BARX1: variants seen among roughly 807,000 people sequenced by gnomAD.
BARX1 encodes the protein homeobox protein BarH-like 1.
In BARX1, 10 loss-of-function variants were observed where a neutral mutation model predicts 19.6. The ratio of observed to expected loss-of-function variants is 0.51; its 90% confidence interval spans 0.31 to 0.86. The LOEUF is 0.86. Ranked by LOEUF, BARX1 falls within the 40% of genes least tolerant of loss-of-function variation. BARX1 has a pLI of 0.04. For missense variants in BARX1, 309 were observed against 360.4 expected, an observed-to-expected ratio of 0.86 and a Z score of 1.15; for synonymous variants, 177 against 170.0, an observed-to-expected ratio of 1.04 and a Z score of -0.32.
intron 3 of BARX1, 99 bp from the exon 4 acceptor site, chr9:93,952,427 T>C: frequency 2.1e-6 from 3 of 1,434,024 alleles, no homozygotes; most frequent in African/African-American, 1.4e-5. Flanking sequence ...GCAGGGTCCA[T>C]ATGAGGAAAT....
rs1237950636 is a variant in BARX1, at chr9:93,954,827, G to A, written c.223+97C>T. 7 of 868,442 alleles carry A rather than the reference G, an allele frequency of 8.1e-6. No individual in the cohort carries two copies. In the East Asian group the frequency reaches 2.6e-4, roughly 32 times the overall value. The allele number at this position is 868,442 out of a possible 1,614,324, so 53.8% of individuals were successfully genotyped here. ...TGCGCTCCCAGAGCAGCTTCCCGGGGCTGCTTCGATGCCGGAGGAGGCTCG... is the reference window on the plus strand; with the variant it reads ...TGCGCTCCCAGAGCAGCTTCCCGGGACTGCTTCGATGCCGGAGGAGGCTCG... On this transcript the variant is annotated intron_variant, in intron 1 of 3. Transcript: ENST00000253968.
intron 3 of BARX1, 27 bp downstream of exon 3, chr9:93,952,702 G>T (rs1651505051): frequency 1.2e-6 from 2 of 1,607,860 alleles, no homozygotes; most frequent in African/African-American, 1.3e-5. Flanking sequence ...GGAAGCTGAG[G>T]GGTGGGAAGC....
In BARX1 at chr9:93,952,285, C is replaced by T; in HGVS notation, c.644G>A (p.Gly215Glu). Residue 215 changes from glycine (G) to glutamate (E), a missense_variant, in exon 4 of 4, where the codon GGG becomes GAG. By Grantham distance (98) the Gly-to-Glu change is moderately conservative. Coordinates refer to ENST00000253968, the MANE Select transcript of BARX1 (RefSeq NM_021570.4). ...TGGAATTGAGTTCTTCTTGGGCCGCCCCTTGGGCTTGGTGGGAGACTCCAG... is the reference window on the plus strand; with the variant it reads ...TGGAATTGAGTTCTTCTTGGGCCGCTCCTTGGGCTTGGTGGGAGACTCCAG... ...GGLESPTKPK[G>E]RPKKNSIPTS... 1 of 1,611,828 alleles carries T rather than the reference C, an allele frequency of 6.2e-7. No individual in the cohort carries two copies.
At position 93,952,153 on chromosome 9, in the gene BARX1, G is replaced by T. The variant is rs757252375; in HGVS notation, c.*11C>A. 6.2e-6 allele frequency: 10 copies of T among 1,603,988 alleles called. No homozygotes were observed. Among genetic ancestry groups the T allele is most frequent in the Non-Finnish European group, 7.6e-6 (9 of 1,179,556 alleles). On this transcript the variant is annotated 3_prime_UTR_variant, in exon 4 of 4. Transcript: ENST00000253968. ...GCGCGGGCATCCCAGGCCCCGCACCGTATACCGCCCTCAGTCCTCGCGGCT... is the reference window on the plus strand; with the variant it reads ...GCGCGGGCATCCCAGGCCCCGCACCTTATACCGCCCTCAGTCCTCGCGGCT...
rs2118190647 is a variant in BARX1 at position 93,955,154 on chromosome 9, C to T, written c.-8G>A. The stretch of plus-strand genomic sequence containing the variant: ...CTCCCCCGGCCGCTGCATCGCGGCG[C>T]CCACTGCTGCGCCCGCGGTTTGGCG... On this transcript the variant is annotated 5_prime_UTR_variant, in exon 1 of 4. Coordinates refer to ENST00000253968, the MANE Select transcript of BARX1 (RefSeq NM_021570.4). The surrounding 1 kb of genome is among the most constrained non-coding windows in gnomAD (Gnocchi z 4.4). 1 of 1,100,846 alleles carries T rather than the reference C, an allele frequency of 9.1e-7. No individual in the cohort carries two copies. The highest frequency in any genetic ancestry group is 1.7e-5 in the African/African-American group (1 of 59,646). The allele number at this position is 1,100,846 out of a possible 1,614,324, so 68.2% of individuals were successfully genotyped here. A position where few individuals can be genotyped will look rare whatever the true frequency, so the allele number is the denominator to read the frequency against.
intron 1 of BARX1, among the ~76,000 whole-genome samples, chr9:93,954,194 A>C (rs1194717014): frequency 2.0e-5 from 3 of 152,232 alleles, no homozygotes; most frequent in Non-Finnish European, 4.4e-5. Context: ...GGGAAAGACA[A>C]GACGAGGGTG....
Position 93,953,000 on chromosome 9 carries a change from G to A in BARX1, c.411C>T (p.Thr137=), listed in dbSNP as rs1047001899. The change falls in exon 2 of 4, where the codon ACC becomes ACT. Residue 137 remains threonine (T), a synonymous_variant. Transcript: ENST00000253968. ...LEAAGPGEPG[T]KAKKGRRSRT... is the part of the protein sequence containing the mutation. ...GGCTCCGACGCCCCTTCTTGGCTTT[G>A]GTGCCTGGCTCCCCAGGGCCTGCCG... 6.4e-7 allele frequency: 1 copy of A among 1,572,864 alleles called. No individual in the cohort carries two copies. Among genetic ancestry groups the A allele is most frequent in the Non-Finnish European group, 8.6e-7 (1 of 1,159,642 alleles).
chr9:93,952,138 C>G lies in BARX1; in HGVS notation c.*26G>C, dbSNP rs999593667. On this transcript the variant is annotated 3_prime_UTR_variant, in exon 4 of 4. Coordinates refer to ENST00000253968, the MANE Select transcript of BARX1 (RefSeq NM_021570.4). ...AGGGGGCTGCGGGTGGCGCGGGCAT[C>G]CCAGGCCCCGCACCGTATACCGCCC... The G allele has an allele frequency of 5.0e-6, 8 of 1,597,412 alleles. No individual in the cohort carries two copies. In the African/African-American group the frequency reaches 9.4e-5, roughly 19 times the overall value.
At position 93,955,046 on chromosome 9, in the gene BARX1, A is replaced by G; in HGVS notation, c.101T>C (p.Ile34Thr). 7.1e-7 allele frequency: 1 copy of G among 1,403,164 alleles called. No homozygotes were observed. The highest frequency in any genetic ancestry group is 1.5e-5 in the South Asian group (1 of 68,774). The allele number at this position is 1,403,164 out of a possible 1,614,324, so 86.9% of individuals were successfully genotyped here. A position where few individuals can be genotyped will look rare whatever the true frequency, so the allele number is the denominator to read the frequency against. ...HRYRSFMIEE[I>T]LTEPPGPKGA... ...CTTGGGCCCGGGTGGCTCCGTGAGG[A>G]TCTCCTCAATCATGAAGCTGCGATA... Residue 34 changes from isoleucine (I) to threonine (T), a missense_variant, in exon 1 of 4, where the codon ATC (isoleucine) becomes ACC (threonine). By Grantham distance (89) the Ile-to-Thr change is moderately conservative. This residue lies in a region of BARX1 where 204 missense variants were observed against 206.8 expected (regional missense o/e 0.99). Coordinates refer to ENST00000253968, the MANE Select transcript of BARX1 (RefSeq NM_021570.4). The surrounding 1 kb of genome is among the most constrained non-coding windows in gnomAD (Gnocchi z 4.4).
chr9:93,953,816 A>G (rs1829129047), intron 1 of BARX1, among the ~76,000 whole-genome samples: 1 of 152,260 alleles, frequency 6.6e-6, no homozygotes, highest in South Asian at 2.1e-4. Flanking sequence ...GCCCGCTTCA[A>G]ACGAATTAGT....
rs1489837185 is a variant in BARX1 at position 93,955,016 on chromosome 9, G to A, written c.131C>T (p.Ala44Val). The A allele has an allele frequency of 7.1e-7, 1 of 1,400,058 alleles. No homozygotes were observed. The highest frequency in any genetic ancestry group is 2.8e-5 in the Admixed American group (1 of 35,814). 86.7% of individuals were successfully genotyped at this position (1,400,058 alleles called of 1,614,324 possible). A position where few individuals can be genotyped will look rare whatever the true frequency, so the allele number is the denominator to read the frequency against. Residue 44 changes from alanine (A) to valine (V), a missense_variant, in exon 1 of 4, where the codon GCC (alanine) becomes GTC (valine). Ala to Val is a moderately conservative substitution (Grantham distance 64). Around this residue, in one of 3 missense-constraint regions of BARX1, gnomAD observed 204 missense variants for 206.8 expected, o/e 0.99. Transcript: ENST00000253968. The surrounding 1 kb of genome is among the most constrained non-coding windows in gnomAD (Gnocchi z 4.4). ...CGCGGCAGCGGCGGCTGCGGGCGCG[G>A]CGCCCTTGGGCCCGGGTGGCTCCGT... is the stretch of plus-strand genomic sequence containing the variant. ...ILTEPPGPKG[A>V]APAAAAAAAG... is the part of the protein sequence containing the mutation.
At position 93,952,082 on chromosome 9, in the gene BARX1, G is replaced by A. The variant is rs935681636; in HGVS notation, c.*82C>T. ...TTAGGAAGTAAACTTCTTGGACGCG[G>A]AAGGGCCGGCTCGCGGGTTTCCGCC... On this transcript the variant is annotated 3_prime_UTR_variant, in exon 4 of 4. Coordinates refer to ENST00000253968, the MANE Select transcript of BARX1 (RefSeq NM_021570.4). 6.6e-7 allele frequency: 1 copy of A among 1,509,582 alleles called. No homozygotes were observed. Among genetic ancestry groups the A allele is most frequent in the Admixed American group, 2.0e-5 (1 of 49,802 alleles). 93.5% of individuals were successfully genotyped at this position (1,509,582 alleles called of 1,614,324 possible).
At position 93,955,013 on chromosome 9, in the gene BARX1, G is replaced by GCGGCGCCCTTGGGCC. The variant is rs1563990319; in HGVS notation, c.119_133dup (p.Gly40_Ala44dup). On this transcript the variant is annotated inframe_insertion, in exon 1 of 4. Coordinates refer to ENST00000253968, the MANE Select transcript of BARX1 (RefSeq NM_021570.4). The surrounding 1 kb of genome is among the most constrained non-coding windows in gnomAD (Gnocchi z 4.4). Reference sequence around the variant, plus strand: ...CGCCGCGGCAGCGGCGGCTGCGGGCGCGGCGCCCTTGGGCCCGGGTGGCTC... The same window carrying GCGGCGCCCTTGGGCC: ...CGCCGCGGCAGCGGCGGCTGCGGGCGCGGCGCCCTTGGGCCCGGCGCCCTTGGGCCCGGGTGGCTC... 4.3e-6 allele frequency: 6 copies of GCGGCGCCCTTGGGCC among 1,399,794 alleles called. No individual in the cohort carries two copies. Among genetic ancestry groups the GCGGCGCCCTTGGGCC allele is most frequent in the Middle Eastern group, 2.5e-4 (1 of 4,006 alleles). The allele number at this position is 1,399,794 out of a possible 1,614,324, so 86.7% of individuals were successfully genotyped here. A position where few individuals can be genotyped will look rare whatever the true frequency, so the allele number is the denominator to read the frequency against.
rs1313049531 is a variant in BARX1, at chr9:93,953,115, G to A, written c.296C>T (p.Ser99Phe). 1 of 1,560,156 alleles carries A rather than the reference G, an allele frequency of 6.4e-7. No individual in the cohort carries two copies. The highest frequency in any genetic ancestry group is 1.9e-5 in the Admixed American group (1 of 52,304). The change falls in exon 2 of 4, where the codon TCT (serine) becomes TTT (phenylalanine). Residue 99 changes from serine (S) to phenylalanine (F), a missense_variant. This residue lies in a region of BARX1 where 204 missense variants were observed against 206.8 expected (regional missense o/e 0.99). Coordinates refer to ENST00000253968, the MANE Select transcript of BARX1 (RefSeq NM_021570.4). Reference sequence around the variant, plus strand: ...CCCGGGCCCTGCCGCCAGCAACGCAGAGCTCAGCCCTGAACAGCCCAGCGG... The same window carrying A: ...CCCGGGCCCTGCCGCCAGCAACGCAAAGCTCAGCCCTGAACAGCCCAGCGG... ...LAPLGCSGLS[S>F]ALLAAGPGLP...
Position 93,955,106 on chromosome 9 carries a change from G to C in BARX1, c.41C>G (p.Pro14Arg). 1 of 1,260,690 alleles carries C rather than the reference G, an allele frequency of 7.9e-7. No homozygotes were observed. Among genetic ancestry groups the C allele is most frequent in the Non-Finnish European group, 1.0e-6 (1 of 1,004,228 alleles). 78.1% of individuals were successfully genotyped at this position (1,260,690 alleles called of 1,614,324 possible). ...CCGGTGGTCCGCGCAGCCCTCGGGCGGGCCGAAGCGCGCGGCGCCCGGCTC... is the reference window on the plus strand; with the variant it reads ...CCGGTGGTCCGCGCAGCCCTCGGGCCGGCCGAAGCGCGCGGCGCCCGGCTC... ...PGEPGAARFG[P>R]PEGCADHRPH... The change falls in exon 1 of 4, where the codon CCG (proline) becomes CGG (arginine). Residue 14 changes from proline to arginine, a missense_variant. Pro to Arg is a moderately radical substitution (Grantham distance 103). Transcript: ENST00000253968. The surrounding 1 kb of genome is among the most constrained non-coding windows in gnomAD (Gnocchi z 4.4).
chr9:93,952,265 T>C lies in BARX1; in HGVS notation c.664A>G (p.Ile222Val), dbSNP rs145379597. The C allele has an allele frequency of 4.6e-5, 74 of 1,612,494 alleles. No individual in the cohort carries two copies. The highest frequency in any genetic ancestry group is 4.3e-4 in the Admixed American group (26 of 60,012). The change falls in exon 4 of 4, where the codon ATT (isoleucine) becomes GTT (valine). Residue 222 changes from isoleucine (I) to valine (V), a missense_variant. Around this residue, in one of 3 missense-constraint regions of BARX1, gnomAD observed 71 missense variants for 80.4 expected, o/e 0.88. Coordinates refer to ENST00000253968, the MANE Select transcript of BARX1 (RefSeq NM_021570.4). ...TCAGTAAGCTGCTCGCTCGTTGGAA[T>C]TGAGTTCTTCTTGGGCCGCCCCTTG... ...KPKGRPKKNS[I>V]PTSEQLTEQE... is the part of the protein sequence containing the mutation.
At chr9:93,952,599 T>C in intron 3 of BARX1, 130 bp downstream of exon 3, 1 of 1,141,952 alleles carries the variant, frequency 8.8e-7, no homozygotes, top group Non-Finnish European at 1.3e-6. Flanking sequence ...AGGATTCCGG[T>C]GCGTACCAGG....
Position 93,952,625 on chromosome 9 carries a change from G to A in BARX1, c.600+104C>T, listed in dbSNP as rs1038179126. The A allele has an allele frequency of 1.3e-5, 17 of 1,306,172 alleles. No individual in the cohort carries two copies. In the Middle Eastern group the frequency reaches 7.7e-4, roughly 59 times the overall value. The allele number at this position is 1,306,172 out of a possible 1,614,324, so 80.9% of individuals were successfully genotyped here. The stretch of plus-strand genomic sequence containing the variant: ...GCGTACCAGGCACCGAGGGAATCGG[G>A]GGGTTGGGCAGAGTCTCAGTGGGGA... On this transcript the variant is annotated intron_variant, in intron 3 of 3. Transcript: ENST00000253968.
Position 93,953,092 on chromosome 9 carries a change from C to T in BARX1, c.319G>A (p.Gly107Arg), listed in dbSNP as rs531602020. Residue 107 changes from glycine (G) to arginine (R), a missense_variant, in exon 2 of 4, where the codon GGG (glycine) becomes AGG (arginine). Coordinates refer to ENST00000253968, the MANE Select transcript of BARX1 (RefSeq NM_021570.4). ...GGCGCACCCGCGGCGCCGGGCAGCC[C>T]GGGCCCTGCCGCCAGCAACGCAGAG... ...LSSALLAAGPGLPGAAGAPHL... is the reference protein window; with the variant it reads ...LSSALLAAGPRLPGAAGAPHL... The T allele has an allele frequency of 5.8e-6, 9 of 1,555,150 alleles. No homozygotes were observed. In the Admixed American group the frequency reaches 9.7e-5, roughly 17 times the overall value.
Sources: gnomAD v4.1 joint callset for allele counts (sites outside exome capture counted in the v4.1 genomes callset) on GRCh38, gnomAD v4.1.1 for gene constraint, gnomAD v4.1.1 regional missense constraint, Gnocchi (gnomAD v3.1) non-coding constraint, MANE v1.5 for transcripts, NCBI Gene and HGNC (gene_info 2026-07-23, HGNC 2026-07-21) for gene names.